COL6A5: variants seen among roughly 807,000 people sequenced by gnomAD.
COL6A5 encodes collagen type VI alpha 5 chain, also known as collagen alpha-5(VI) chain.
COL6A5 carries 48 observed loss-of-function variants against 65.6 expected under a neutral mutation model. The ratio of observed to expected loss-of-function variants is 0.73; its 90% CI spans 0.58 to 0.93. The LOEUF is 0.93. Among genes scored for constraint, COL6A5 ranks in the 40% least tolerant of loss-of-function variants. COL6A5 has a pLI of 0.00. For synonymous variants in COL6A5, 291 were observed against 322.8 expected, an observed-to-expected ratio of 0.90 and a Z score of 1.05; for missense variants, 914 against 928.3, an observed-to-expected ratio of 0.98 and a Z score of 0.20.
intron 4 of COL6A5, among the ~76,000 whole-genome samples, chr3:130,450,656 A>C (rs916565058): frequency 1.3e-5 from 2 of 152,194 alleles, no homozygotes; most frequent in African/African-American, 4.8e-5. Flanking sequence ...ACGAAGGAGA[A>C]TGCCTTGAGC....
chr3:130,383,842 C>T (rs1041881684), intron 4 of COL6A5, among the ~76,000 whole-genome samples: 4 of 151,922 alleles, frequency 2.6e-5, no homozygotes, highest in Admixed American at 2.6e-4. Context: ...AAGGAAGGAA[C>T]ATTGAGAAGT....
intron 4 of COL6A5, among the ~76,000 whole-genome samples, chr3:130,448,673 A>C (rs979399921): frequency 6.6e-6 from 1 of 152,096 alleles, no homozygotes. Context: ...AAATATCATC[A>C]ATATAATGAA....
At chr3:130,420,728 C>A (rs1327477680) in intron 25 of COL6A5, among the ~76,000 whole-genome samples, 1 of 151,074 alleles carries the variant, frequency 6.6e-6, no homozygotes, top group Non-Finnish European at 1.5e-5. Context: ...TTACCATTGA[C>A]AAAGATAGTA....
At chr3:130,454,757 G>A (rs1204763681) in intron 4 of COL6A5, among the ~76,000 whole-genome samples, 2 of 152,106 alleles carry the variant, frequency 1.3e-5, no homozygotes, top group African/African-American at 4.8e-5. Flanking sequence ...GGTAGATTAA[G>A]TATTTTCTGC....
At chr3:130,393,649 C>T (rs1388195140) in intron 7 of COL6A5, among the ~76,000 whole-genome samples, 1 of 152,126 alleles carries the variant, frequency 6.6e-6, no homozygotes, top group African/African-American at 2.4e-5. Flanking sequence ...GGGATCCACA[C>T]CTGTAAAATA....
chr3:130,376,542 C>A (rs781619502), exon 3 of COL6A5: 1 of 1,605,836 alleles, frequency 6.2e-7, no homozygotes, highest in African/African-American at 1.3e-5. Flanking sequence ...CTTCTCTGCA[C>A]CCATAAATGG....
intron 8 of COL6A5, among the ~76,000 whole-genome samples, chr3:130,397,314 A>G (rs1936636058): frequency 6.6e-6 from 1 of 152,142 alleles, no homozygotes; most frequent in Admixed American, 6.5e-5. Flanking sequence ...TGGAAGTTTT[A>G]ATATTTTAAA....
At chr3:130,379,859 C>A (rs1226022393) in exon 4 of COL6A5, 2 of 1,551,262 alleles carry the variant, frequency 1.3e-6, no homozygotes, top group African/African-American at 1.4e-5. Context: ...AACGTGTTTG[C>A]CTTGAGCATC....
chr3:130,451,695 G>A (rs1470102702), intron 4 of COL6A5, among the ~76,000 whole-genome samples: 1 of 152,086 alleles, frequency 6.6e-6, no homozygotes, highest in Non-Finnish European at 1.5e-5. Flanking sequence ...CATCGGGGGT[G>A]ACCGTAAGTC....
intron 1 of COL6A5, among the ~76,000 whole-genome samples, chr3:130,361,657 T>G (rs1050159724): frequency 3.9e-5 from 6 of 152,086 alleles, no homozygotes; most frequent in African/African-American, 1.4e-4. Context: ...TGAATTGTCT[T>G]CCAAAGTGGC....
At chr3:130,389,835 TAGACTAA>T (rs1936331031) in intron 6 of COL6A5, among the ~76,000 whole-genome samples, 2 of 152,162 alleles carry the variant, frequency 1.3e-5, no homozygotes, top group African/African-American at 4.8e-5. Context: ...AATCCACACA[TAGACTAA>T]AACACCTATG....
intron 1 of COL6A5, among the ~76,000 whole-genome samples, chr3:130,365,861 G>A (rs1935316506): frequency 6.6e-6 from 1 of 152,158 alleles, no homozygotes; most frequent in Admixed American, 6.5e-5. Flanking sequence ...AGTGGGACCT[G>A]GCATCAATAT....
At chr3:130,405,913 C>A in intron 14 of COL6A5, 80 bp from the exon 15 acceptor site, 1 of 1,346,542 alleles carries the variant, frequency 7.4e-7, no homozygotes, top group Non-Finnish European at 1.0e-6. Flanking sequence ...GAAATACATG[C>A]TCACTCACTT....
chr3:130,446,543 A>C (rs749709316), intron 4 of COL6A5, among the ~76,000 whole-genome samples: 2 of 152,138 alleles, frequency 1.3e-5, no homozygotes, highest in Admixed American at 6.5e-5. Context: ...GATTAGTTAG[A>C]TCGGTCTCCA....
intron 10 of COL6A5, among the ~76,000 whole-genome samples, chr3:130,399,958 T>C (rs529195016): frequency 1.3e-5 from 2 of 151,780 alleles, no homozygotes; most frequent in South Asian, 4.2e-4. Context: ...GGTTTTTCCA[T>C]GTTGTTGACC....
intron 21 of COL6A5, 127 bp from the exon 22 acceptor site, chr3:130,413,942 G>A (rs910577407): frequency 2.8e-6 from 2 of 705,330 alleles, no homozygotes; most frequent in Non-Finnish European, 2.4e-6. Flanking sequence ...AAAATCCTAG[G>A]CCAAGTAGAG....
chr3:130,419,870 C>T (rs1042421196), intron 25 of COL6A5, among the ~76,000 whole-genome samples: 3 of 151,772 alleles, frequency 2.0e-5, no homozygotes, highest in Admixed American at 6.6e-5. Context: ...AACAATATAT[C>T]GTATATTTGA....
Position 130,465,182 on chromosome 3 carries a change from C to T in COL6A5, c.1545-3613C>T, listed in dbSNP as rs568124253. Among the ~76,000 whole-genome samples, 25 of 152,134 alleles carry T rather than the reference C, an allele frequency of 1.6e-4. No individual in the cohort carries two copies. The South Asian group carries it at 3.5e-3, about 21-fold the overall frequency. On this transcript the variant is annotated intron_variant, in intron 5 of 7. Coordinates refer to ENST00000512836, the Ensembl canonical transcript of COL6A5. Reference sequence around the variant, plus strand: ...ACAAGAAGAGGGCATTGAGGAGGAGCCCAGTGAGCTCCTGGAGCTGAGGAG... The same window carrying T: ...ACAAGAAGAGGGCATTGAGGAGGAGTCCAGTGAGCTCCTGGAGCTGAGGAG...
chr3:130,456,682 C>T (rs964277191), intron 5 of COL6A5, among the ~76,000 whole-genome samples: 3 of 152,198 alleles, frequency 2.0e-5, no homozygotes, highest in African/African-American at 7.2e-5. Context: ...CATCTGGAAT[C>T]TTCTAAAATG....
Sources: gnomAD v4.1 joint callset for allele counts (sites outside exome capture counted in the v4.1 genomes callset) on GRCh38, gnomAD v4.1.1 for gene constraint, MANE v1.5 for transcripts, NCBI Gene and HGNC (gene_info 2026-07-23, HGNC 2026-07-21) for gene names.